PRR12: variants seen among roughly 807,000 people sequenced by gnomAD.
The protein encoded by PRR12 is proline rich 12.
In PRR12, 12 loss-of-function variants were observed where a neutral mutation model predicts 138.0. That is an observed-to-expected ratio of 0.09 (90% CI 0.06 to 0.14). The LOEUF (loss-of-function observed/expected upper bound fraction) is 0.14, where lower values mean the gene tolerates loss of function less well. Among genes scored for constraint, PRR12 ranks in the 10% least tolerant of loss-of-function variants. PRR12 has a pLI of 1.00. For synonymous variants in PRR12, 1,567 were observed against 1,291.7 expected (o/e 1.21, Z -4.57); for missense variants, 2,692 against 2,861.3 (o/e 0.94, Z 1.35).
chr19:49,620,502 G>C (rs114010839), intron 10 of PRR12, 25 bp downstream of exon 10: 44,156 of 1,549,352 alleles, frequency 0.028, 995 homozygotes, highest in East Asian at 0.08. Flanking sequence ...GGGGAGGAGG[G>C]GGGGGGGCTG....
Position 49,597,395 on chromosome 19 carries a change from C to T in PRR12, c.3060C>T (p.Ser1020=), listed in dbSNP as rs1482951207. 15 of 1,537,696 alleles carry T rather than the reference C, an allele frequency of 9.8e-6. No individual in the cohort carries two copies. In the Admixed American group the frequency reaches 1.4e-4, roughly 14 times the overall value. Residue 1020 remains serine, a synonymous_variant, in exon 4 of 14, where the codon TCC becomes TCT. Transcript: ENST00000418929. The surrounding 1 kb of genome is among the most constrained non-coding windows in gnomAD (Gnocchi z 6.3). ...CCAACAAACCGCCTGAACTGCCCTC[C>T]ACGGTCAACGCCGAGCCGCTGGGCC... ...LDPNKPPELP[S]TVNAEPLGLI... is the part of the protein sequence containing the mutation.
At position 49,597,493 on chromosome 19, in the gene PRR12, C is replaced by A; in HGVS notation, c.3158C>A (p.Ser1053Tyr). Residue 1053 changes from serine to tyrosine, a missense_variant, in exon 4 of 14, where the codon TCC becomes TAC. Physicochemically the swap from Ser to Tyr is moderately radical, Grantham distance 144. Coordinates refer to ENST00000418929, the MANE Select transcript of PRR12 (RefSeq NM_020719.3). This position sits in a 1 kb window ranked among gnomAD's most constrained non-coding sequence, Gnocchi z 6.3. Reference protein sequence around the residue: ...PPPPPPPAPASEPKGGLTSPI... With the variant: ...PPPPPPPAPAYEPKGGLTSPI... ...CCACCGCCGCCTCCCGCGCCGGCCT[C>A]CGAACCCAAGGGTGGCCTCACCTCG... 6.5e-7 allele frequency: 1 copy of A among 1,549,998 alleles called. No individual in the cohort carries two copies.
chr19:49,592,999 G>T (rs959238950), intron 1 of PRR12, among the ~76,000 whole-genome samples: 6 of 151,966 alleles, frequency 3.9e-5, no homozygotes, highest in African/African-American at 9.7e-5. Flanking sequence ...GTCGACGGGG[G>T]AGGGCTCTCA....
Position 49,597,783 on chromosome 19 carries a change from G to A in PRR12, c.3448G>A (p.Asp1150Asn). 8 of 1,587,444 alleles carry A rather than the reference G, an allele frequency of 5.0e-6. No individual in the cohort carries two copies. The highest frequency in any genetic ancestry group is 6.9e-6 in the Non-Finnish European group (8 of 1,167,378). The change falls in exon 4 of 14, where the codon GAT (aspartate) becomes AAT (asparagine). Residue 1150 changes from aspartate (D) to asparagine (N), a missense_variant. This residue lies in a region of PRR12 where 326 missense variants were observed against 344.2 expected (regional missense o/e 0.95). Transcript: ENST00000418929. This position sits in a 1 kb window ranked among gnomAD's most constrained non-coding sequence, Gnocchi z 6.3. The stretch of plus-strand genomic sequence containing the variant: ...CTTCTGCCCACCCAACCCAGGACCC[G>A]ATGGCCCCCGGCGCCGTGGCCGCAA... Reference protein sequence around the residue: ...IDFCPPNPGPDGPRRRGRKPT... With the variant: ...IDFCPPNPGPNGPRRRGRKPT...
Position 49,597,768 on chromosome 19 carries a change from C to T in PRR12, c.3433C>T (p.Pro1145Ser), listed in dbSNP as rs1452613242. ...ACTGGGGGACATCGACTTCTGCCCA[C>T]CCAACCCAGGACCCGATGGCCCCCG... The part of the protein sequence containing the change: ...SPLGDIDFCP[P>S]NPGPDGPRRR... The change falls in exon 4 of 14, where the codon CCC becomes TCC. Residue 1145 changes from proline to serine, a missense_variant. Physicochemically the swap from Pro to Ser is moderately conservative, Grantham distance 74 (BLOSUM62 -1). This residue lies in a region of PRR12 where 326 missense variants were observed against 344.2 expected (regional missense o/e 0.95). Coordinates refer to ENST00000418929, the MANE Select transcript of PRR12 (RefSeq NM_020719.3). The surrounding 1 kb of genome is among the most constrained non-coding windows in gnomAD (Gnocchi z 6.3). The T allele has an allele frequency of 6.2e-7, 1 of 1,603,924 alleles. No individual in the cohort carries two copies. Among genetic ancestry groups the T allele is most frequent in the Non-Finnish European group, 8.5e-7 (1 of 1,176,004 alleles).
chr19:49,612,779 CT>C (rs1431004792), intron 6 of PRR12, among the ~76,000 whole-genome samples: 3 of 152,038 alleles, frequency 2.0e-5, no homozygotes, highest in African/African-American at 7.2e-5. Flanking sequence ...ATTCTCCTTC[CT>C]TAGCCTCCCA....
intron 6 of PRR12, among the ~76,000 whole-genome samples, chr19:49,604,951 A>G (rs927224388): frequency 1.3e-5 from 2 of 151,952 alleles, no homozygotes; most frequent in African/African-American, 4.8e-5. Context: ...TCCCTGGTTC[A>G]AGCAATTCTC....
chr19:49,622,547 G>C (rs1237262320), intron 11 of PRR12, among the ~76,000 whole-genome samples: 1 of 149,632 alleles, frequency 6.7e-6, no homozygotes, highest in Non-Finnish European at 1.5e-5. Context: ...AGCCAAGATG[G>C]TACCACTGCA....
At position 49,597,721 on chromosome 19, in the gene PRR12, G is replaced by A. The variant is rs1214235867; in HGVS notation, c.3386G>A (p.Arg1129His). Residue 1129 changes from arginine (R) to histidine (H), a missense_variant, in exon 4 of 14, where the codon CGC becomes CAC. Around this residue, in one of 11 missense-constraint regions of PRR12, gnomAD observed 326 missense variants for 344.2 expected, o/e 0.95. Coordinates refer to ENST00000418929, the MANE Select transcript of PRR12 (RefSeq NM_020719.3). The surrounding 1 kb of genome is among the most constrained non-coding windows in gnomAD (Gnocchi z 6.3). Reference protein sequence around the residue: ...RRLPDLVSSCRSRPALSPLGD... With the variant: ...RRLPDLVSSCHSRPALSPLGD... ...TTGCCTGACCTGGTCTCCAGCTGCCGCTCCCGTCCGGCCCTCTCGCCACTG... is the reference window on the plus strand; with the variant it reads ...TTGCCTGACCTGGTCTCCAGCTGCCACTCCCGTCCGGCCCTCTCGCCACTG... 3 of 1,607,368 alleles carry A rather than the reference G, an allele frequency of 1.9e-6. No homozygotes were observed. The highest frequency in any genetic ancestry group is 8.5e-7 in the Non-Finnish European group (1 of 1,178,082).
chr19:49,593,219 C>G (rs989911744), intron 1 of PRR12, 108 bp from the exon 2 acceptor site: 31 of 601,392 alleles, frequency 5.2e-5, no homozygotes, highest in South Asian at 2.9e-4. Context: ...TAACACCCCC[C>G]ACCCCGGTCA....
intron 11 of PRR12, among the ~76,000 whole-genome samples, chr19:49,622,239 G>A (rs925748946): frequency 1.3e-5 from 2 of 152,112 alleles, no homozygotes; most frequent in African/African-American, 2.4e-5. Context: ...TTCTGGGATA[G>A]GCTATTAGGC....
rs115750881 is a variant in PRR12 at position 49,617,155 on chromosome 19, A to G, written c.5497+936A>G. 4.7e-3 allele frequency among the ~76,000 whole-genome samples: 708 copies of G among 151,940 alleles called. 6 individuals are homozygous for G. The highest frequency in any genetic ancestry group is 0.016 in the African/African-American group (665 of 41,426). ...CAAAAAAAAAAAAAAAAGTCTGGTT[A>G]GTGATGACAATAACAACAACAAAAA... On this transcript the variant is annotated intron_variant, in intron 9 of 13. Transcript: ENST00000418929.
At chr19:49,615,476 G>A (rs980795612) in intron 8 of PRR12, among the ~76,000 whole-genome samples, 7 of 148,600 alleles carry the variant, frequency 4.7e-5, no homozygotes, top group Non-Finnish European at 1.0e-4. Flanking sequence ...GGGGAATAGA[G>A]ACCCAGAGAG....
At chr19:49,613,761 C>T (rs2080878102) in intron 6 of PRR12, among the ~76,000 whole-genome samples, 1 of 152,188 alleles carries the variant, frequency 6.6e-6, no homozygotes, top group African/African-American at 2.4e-5. Context: ...TTTTCAGTGT[C>T]TTAGACTCCT....
Position 49,595,357 on chromosome 19 carries a change from C to T in PRR12, c.1022C>T (p.Pro341Leu), listed in dbSNP as rs1263504518. The T allele has an allele frequency of 6.5e-6, 10 of 1,540,698 alleles. No individual in the cohort carries two copies. Among genetic ancestry groups the T allele is most frequent in the South Asian group, 2.4e-5 (2 of 83,130 alleles). ...CCCCTGGGTGGTGGGGAGCCCTCCCCGGGTGCTGGGGAGCCTAGCAAGGCT... is the reference window on the plus strand; with the variant it reads ...CCCCTGGGTGGTGGGGAGCCCTCCCTGGGTGCTGGGGAGCCTAGCAAGGCT... ...CSPLGGGEPS[P>L]GAGEPSKAGP... The change falls in exon 4 of 14, where the codon CCG becomes CTG. Residue 341 changes from proline to leucine, a missense_variant. Coordinates refer to ENST00000418929, the MANE Select transcript of PRR12 (RefSeq NM_020719.3).
In PRR12 at chr19:49,596,786, C is replaced by T. The variant is rs1325914809; in HGVS notation, c.2451C>T (p.Ser817=). 6.2e-7 allele frequency: 1 copy of T among 1,602,326 alleles called. No individual in the cohort carries two copies. Among genetic ancestry groups the T allele is most frequent in the Non-Finnish European group, 8.5e-7 (1 of 1,179,332 alleles). ...SHAPSPSPSA[S]KVGVHLLEPA... ...CCCCCAGTCCCTCTCCCAGCGCCTCCAAAGTCGGCGTCCACCTCCTTGAGC... is the reference window on the plus strand; with the variant it reads ...CCCCCAGTCCCTCTCCCAGCGCCTCTAAAGTCGGCGTCCACCTCCTTGAGC... Residue 817 remains serine (S), a synonymous_variant, in exon 4 of 14, where the codon TCC becomes TCT. Transcript: ENST00000418929. The surrounding 1 kb of genome is among the most constrained non-coding windows in gnomAD (Gnocchi z 5.6).
At chr19:49,610,546 A>G (rs868138410) in intron 6 of PRR12, among the ~76,000 whole-genome samples, 1 of 121,652 alleles carries the variant, frequency 8.2e-6, no homozygotes, top group Non-Finnish European at 1.6e-5. Flanking sequence ...CCCTGTTCCT[A>G]TTTTTTTTTT....
In PRR12 at chr19:49,594,382, C is replaced by G; in HGVS notation, c.200-72C>G. 3 of 1,433,666 alleles carry G rather than the reference C, an allele frequency of 2.1e-6. No homozygotes were observed. Among genetic ancestry groups the G allele is most frequent in the Non-Finnish European group, 2.8e-6 (3 of 1,066,338 alleles). 88.8% of individuals were successfully genotyped at this position (1,433,666 alleles called of 1,614,324 possible). A position where few individuals can be genotyped will look rare whatever the true frequency, so the allele number is the denominator to read the frequency against. On this transcript the variant is annotated intron_variant, in intron 2 of 13. Coordinates refer to ENST00000418929, the MANE Select transcript of PRR12 (RefSeq NM_020719.3). The surrounding 1 kb of genome is among the most constrained non-coding windows in gnomAD (Gnocchi z 5.6). ...TTTCCTGATCCAACTTGCTTTTGGC[C>G]TCTTCCCTTTCTCTCTTGACTGTAT...
At chr19:49,607,207 G>A (rs148293399) in intron 6 of PRR12, among the ~76,000 whole-genome samples, 6 of 151,884 alleles carry the variant, frequency 4.0e-5, no homozygotes, top group Non-Finnish European at 8.8e-5. Context: ...GTATTATTTC[G>A]GCTACATGCG....
Sources: allele counts gnomAD v4.1 joint callset (sites outside exome capture counted in the v4.1 genomes callset), GRCh38; gene constraint gnomAD v4.1.1; regional missense constraint gnomAD v4.1.1; non-coding constraint Gnocchi (gnomAD v3.1); transcripts MANE v1.5; gene names NCBI Gene and HGNC (gene_info 2026-07-23, HGNC 2026-07-21).